CUX1: variants seen among roughly 807,000 people sequenced by gnomAD.
CUX1 encodes protein CASP.
CUX1 carries 31 observed loss-of-function variants against 158.8 expected under a neutral mutation model. The ratio of observed to expected loss-of-function variants is 0.20; its 90% CI spans 0.15 to 0.26. CUX1 has a LOEUF of 0.26. CUX1 is among the 10% of genes least tolerant of loss of function. The probability of loss-of-function intolerance (pLI) is 1.00; values close to 1 mark genes in which losing one functional copy is unlikely to be tolerated. For synonymous variants in CUX1, 879 were observed against 862.1 expected (o/e 1.02, Z -0.34); for missense variants, 1,589 against 2,014.6 (o/e 0.79, Z 4.04).
At chr7:101,971,727 A>G (rs1811976358) in intron 2 of CUX1, among the ~76,000 whole-genome samples, 1 of 152,174 alleles carries the variant, frequency 6.6e-6, no homozygotes, top group Non-Finnish European at 1.5e-5. Flanking sequence ...GGCAAAAAAA[A>G]TTCTCCCTAA....
chr7:102,052,595 A>G (rs1254470827), intron 3 of CUX1, among the ~76,000 whole-genome samples: 2 of 152,130 alleles, frequency 1.3e-5, no homozygotes, highest in African/African-American at 2.4e-5. Context: ...TAATGCTTCT[A>G]TGAACATCCA....
intron 1 of CUX1, among the ~76,000 whole-genome samples, chr7:101,889,801 G>C (rs1800670336): frequency 6.6e-6 from 1 of 152,126 alleles, no homozygotes; most frequent in Non-Finnish European, 1.5e-5. Context: ...AAATACATCT[G>C]GTGCAGGTAA....
In CUX1 at chr7:102,256,209, C is replaced by T; in HGVS notation, c.*7167C>T. ...TGAGACCCTTCCCCAGTGTCTGAGG[C>T]CACAGCCATCCCTTCCAGCACTTAA... is the stretch of plus-strand genomic sequence containing the variant. On this transcript the variant is annotated 3_prime_UTR_variant, in exon 24 of 24. Coordinates refer to ENST00000292535, the MANE Select transcript of CUX1 (RefSeq NM_181552.4). 1 of 985,452 alleles carries T rather than the reference C, an allele frequency of 1.0e-6. No individual in the cohort carries two copies. The highest frequency in any genetic ancestry group is 1.2e-6 in the Non-Finnish European group (1 of 829,944). 61.0% of individuals were successfully genotyped at this position (985,452 alleles called of 1,614,324 possible). A position where few individuals can be genotyped will look rare whatever the true frequency, so the allele number is the denominator to read the frequency against.
At chr7:102,055,417 TTC>T (rs958289159) in intron 3 of CUX1, among the ~76,000 whole-genome samples, 10 of 152,210 alleles carry the variant, frequency 6.6e-5, no homozygotes, top group Non-Finnish European at 1.5e-4. Context: ...CTCACTTCCT[TTC>T]TCTTTGTCAC....
chr7:101,909,635 T>A (rs1174532416), intron 1 of CUX1, among the ~76,000 whole-genome samples: 1 of 152,248 alleles, frequency 6.6e-6, no homozygotes, highest in Non-Finnish European at 1.5e-5. Flanking sequence ...TGCTGTTTGA[T>A]TAGTTTGACA....
At chr7:102,026,208 G>A (rs1340955177) in intron 2 of CUX1, among the ~76,000 whole-genome samples, 2 of 152,088 alleles carry the variant, frequency 1.3e-5, no homozygotes, top group Non-Finnish European at 2.9e-5. Context: ...GTACAGGCCT[G>A]TCCTGTAGGT....
chr7:101,831,330 G>T (rs148691866), intron 1 of CUX1, among the ~76,000 whole-genome samples: 1 of 150,998 alleles, frequency 6.6e-6, no homozygotes, highest in African/African-American at 2.4e-5. Flanking sequence ...TTGCTTTGTC[G>T]TCCAGGCTAA....
intron 3 of CUX1, among the ~76,000 whole-genome samples, chr7:102,039,054 AG>A (rs1268437306): frequency 5.9e-5 from 9 of 152,238 alleles, no homozygotes; most frequent in African/African-American, 2.2e-4. Context: ...AACAGGAAAA[AG>A]AATATGATAA....
At chr7:102,051,425 A>G (rs1055807637) in intron 3 of CUX1, among the ~76,000 whole-genome samples, 8 of 151,900 alleles carry the variant, frequency 5.3e-5, no homozygotes, top group African/African-American at 1.9e-4. Flanking sequence ...ACGCGGGCGT[A>G]TCACCTGAGC....
Position 102,030,691 on chromosome 7 carries a change from G to GGTTTTTTTTTTT in CUX1, c.189+2546_189+2547insGTTTTTTTTTTT, listed in dbSNP as rs537970250. 1.3e-4 allele frequency among the ~76,000 whole-genome samples: 16 copies of GGTTTTTTTTTTT among 119,404 alleles called. 2 individuals are homozygous for GGTTTTTTTTTTT. The highest frequency in any genetic ancestry group is 4.3e-4 in the African/African-American group (14 of 32,320). 78.3% of individuals were successfully genotyped at this position (119,404 alleles called of 152,430 possible). ...TATCTAATTTTCTATTTTAAAAAGT[G>GGTTTTTTTTTTT]TTTTTTTTTTTTGAGACAGGGTCTC... On this transcript the variant is annotated intron_variant, in intron 3 of 23. Transcript: ENST00000292535.
Position 102,227,584 on chromosome 7 carries a change from C to T in CUX1, c.3348C>T (p.Ile1116=). The part of the protein sequence containing the change: ...LPLSGHSALS[I]QELVAMSPEL... ...TCTCCGGACACTCGGCCCTCAGCATCCAAGAATTAGTAGCCATGTCCCCGG... is the reference window on the plus strand; with the variant it reads ...TCTCCGGACACTCGGCCCTCAGCATTCAAGAATTAGTAGCCATGTCCCCGG... The change falls in exon 21 of 24, where the codon ATC becomes ATT. Residue 1116 remains isoleucine (I), a synonymous_variant. Transcript: ENST00000292535. The T allele has an allele frequency of 1.2e-6, 2 of 1,614,150 alleles. No homozygotes were observed. The highest frequency in any genetic ancestry group is 1.7e-6 in the Non-Finnish European group (2 of 1,180,042).
At chr7:102,077,749 A>T (rs1463427523) in intron 4 of CUX1, among the ~76,000 whole-genome samples, 1 of 152,156 alleles carries the variant, frequency 6.6e-6, no homozygotes, top group Non-Finnish European at 1.5e-5. Context: ...TTCTGGAATG[A>T]CCGCTTCTAA....
At chr7:101,925,097 C>T (rs1805430612) in intron 2 of CUX1, among the ~76,000 whole-genome samples, 1 of 152,142 alleles carries the variant, frequency 6.6e-6, no homozygotes, top group South Asian at 2.1e-4. Flanking sequence ...AGGCCCACAG[C>T]CCTGATGTGA....
At chr7:102,055,800 G>A (rs974994909) in intron 3 of CUX1, among the ~76,000 whole-genome samples, 2 of 152,186 alleles carry the variant, frequency 1.3e-5, no homozygotes, top group African/African-American at 4.8e-5. Flanking sequence ...AGCTGAGGTA[G>A]GTTAAAAGCT....
chr7:102,066,384 T>C (rs1188458980), intron 3 of CUX1, among the ~76,000 whole-genome samples: 1 of 152,148 alleles, frequency 6.6e-6, no homozygotes, highest in Non-Finnish European at 1.5e-5. Flanking sequence ...AAGGTCACCT[T>C]CACAGGTATT....
intron 8 of CUX1, among the ~76,000 whole-genome samples, chr7:102,135,898 C>G (rs1283576347): frequency 6.6e-6 from 1 of 151,390 alleles, no homozygotes; most frequent in Non-Finnish European, 1.5e-5. Flanking sequence ...TCCTTGAACC[C>G]GGGAGGTGGA....
chr7:101,834,208 C>T (rs1452232028), intron 1 of CUX1, among the ~76,000 whole-genome samples: 5 of 122,290 alleles, frequency 4.1e-5, no homozygotes, highest in South Asian at 2.7e-4. Context: ...GAGTCTCCCT[C>T]TGTTGCCCAG....
intron 3 of CUX1, among the ~76,000 whole-genome samples, chr7:102,060,299 G>A (rs536180968): frequency 2.8e-4 from 42 of 151,748 alleles, no homozygotes; most frequent in Non-Finnish European, 5.4e-4. Context: ...ATGTTGCTTA[G>A]GGTCCTGGTC....
At chr7:102,213,100 T>C (rs935744342) in intron 20 of CUX1, among the ~76,000 whole-genome samples, 19 of 152,118 alleles carry the variant, frequency 1.2e-4, no homozygotes, top group African/African-American at 4.6e-4. Context: ...CATCTTGGCC[T>C]CCCAAAGTGC....
Sources: allele counts gnomAD v4.1 joint callset (sites outside exome capture counted in the v4.1 genomes callset), GRCh38; gene constraint gnomAD v4.1.1; transcripts MANE v1.5; gene names NCBI Gene and HGNC (gene_info 2026-07-23, HGNC 2026-07-21).